MDGA2: variants seen among roughly 807,000 people sequenced by gnomAD.
MDGA2 encodes the protein MAM domain-containing glycosylphosphatidylinositol anchor protein 2.
A neutral mutation model predicts 117.8 loss-of-function variants in MDGA2; 40 were observed. The observed-to-expected ratio is 0.34, with a 90% CI of 0.26 to 0.44. MDGA2 has a LOEUF of 0.44. MDGA2 is among the 20% of genes least tolerant of loss of function. MDGA2 has a pLI of 1.00. For missense variants in MDGA2, 1,123 were observed against 1,250.6 expected (o/e 0.90, Z 1.54); for synonymous variants, 452 against 439.0 (o/e 1.03, Z -0.37).
chr14:46,905,279 G>A (rs1247977349), intron 10 of MDGA2, among the ~76,000 whole-genome samples: 10 of 152,102 alleles, frequency 6.6e-5, no homozygotes, highest in Non-Finnish European at 1.3e-4. Context: ...GTTAGAAAAG[G>A]CTATTTTTAA....
At chr14:46,874,571 T>C (rs1236030062) in intron 12 of MDGA2, among the ~76,000 whole-genome samples, 8 of 151,880 alleles carry the variant, frequency 5.3e-5, no homozygotes, top group Admixed American at 2.6e-4. Flanking sequence ...ATTGGAAAAT[T>C]ACCTTTATTA....
At chr14:47,254,413 G>A (rs1382011508) in intron 2 of MDGA2, among the ~76,000 whole-genome samples, 1 of 152,112 alleles carries the variant, frequency 6.6e-6, no homozygotes, top group Non-Finnish European at 1.5e-5. Flanking sequence ...GATCTCTAGG[G>A]CAGGAGCAAA....
chr14:47,203,867 C>T (rs1885593770), intron 3 of MDGA2, among the ~76,000 whole-genome samples: 1 of 151,902 alleles, frequency 6.6e-6, no homozygotes, highest in African/African-American at 2.4e-5. Flanking sequence ...GAGAAGGAAA[C>T]TTATCTAAAA....
intron 1 of MDGA2, among the ~76,000 whole-genome samples, chr14:47,318,223 A>AC (rs1424733243): frequency 2.0e-5 from 3 of 149,812 alleles, no homozygotes; most frequent in African/African-American, 7.3e-5. Context: ...GTTTTCTAAC[A>AC]CTTTAAAAGT....
chr14:46,990,615 C>A (rs968509282), intron 8 of MDGA2, among the ~76,000 whole-genome samples: 2 of 151,872 alleles, frequency 1.3e-5, no homozygotes, highest in Admixed American at 1.3e-4. Context: ...TGTCTAGTTA[C>A]ACATTAGAAA....
chr14:47,264,911 T>C (rs1465640001), intron 2 of MDGA2, among the ~76,000 whole-genome samples: 7 of 152,100 alleles, frequency 4.6e-5, no homozygotes, highest in Admixed American at 4.6e-4. Flanking sequence ...GTGTCAGTGT[T>C]TTCTCATTGT....
chr14:47,428,169 A>T (rs1286063368), intron 1 of MDGA2, among the ~76,000 whole-genome samples: 2 of 152,148 alleles, frequency 1.3e-5, no homozygotes, highest in African/African-American at 4.8e-5. Context: ...AAACAGGAAA[A>T]AATTAAAGAA....
chr14:47,160,141 A>C (rs1329352723), intron 3 of MDGA2, among the ~76,000 whole-genome samples: 1 of 152,132 alleles, frequency 6.6e-6, no homozygotes, highest in East Asian at 1.9e-4. Context: ...TTGAACCCAA[A>C]ATTTATCATG....
chr14:47,652,805 A>G (rs1235695676), intron 1 of MDGA2, among the ~76,000 whole-genome samples: 1 of 152,172 alleles, frequency 6.6e-6, no homozygotes, highest in Non-Finnish European at 1.5e-5. Flanking sequence ...ACTGATAATT[A>G]ATAGTGGAAA....
At position 47,370,468 on chromosome 14, in the gene MDGA2, GTTTTTTTTTTTTT is replaced by G. The variant is rs67255552; in HGVS notation, c.281-68931_281-68919del. 5.8e-4 allele frequency among the ~76,000 whole-genome samples: 12 copies of G among 20,684 alleles called. No homozygotes were observed. The East Asian group carries it at 0.01, about 17-fold the overall frequency. 13.6% of individuals were successfully genotyped at this position (20,684 alleles called of 152,430 possible). Reference sequence around the variant, plus strand: ...TTACTATTTTCTAGGTCTACTTACTGTTTTTTTTTTTTTTTTTTTTTTTTTTTTTTGTGTGTGT... The same window carrying G: ...TTACTATTTTCTAGGTCTACTTACTGTTTTTTTTTTTTTTTTTGTGTGTGT... On this transcript the variant is annotated intron_variant, in intron 1 of 16. Transcript: ENST00000399232.
chr14:47,605,956 C>A (rs1896735662), intron 1 of MDGA2, among the ~76,000 whole-genome samples: 1 of 152,126 alleles, frequency 6.6e-6, no homozygotes, highest in Non-Finnish European at 1.5e-5. Flanking sequence ...TCATCCAAGT[C>A]TCTTCCTTCA....
At chr14:47,540,563 T>TATATATACACACACAC (rs370481455) in intron 1 of MDGA2, among the ~76,000 whole-genome samples, 2 of 112,522 alleles carry the variant, frequency 1.8e-5, no homozygotes, top group African/African-American at 5.9e-5. Context: ...TGTATATATA[T>TATATATACACACACAC]ACACACACAC....
chr14:46,873,794 A>G, intron 13 of MDGA2: 1 of 578,604 alleles, frequency 1.7e-6, no homozygotes, highest in East Asian at 3.2e-5. Flanking sequence ...TAAAGATAAA[A>G]TGTATAAAAA....
At position 47,551,906 on chromosome 14, in the gene MDGA2, G is replaced by C. The variant is rs553243307; in HGVS notation, c.280+122611C>G. On this transcript the variant is annotated intron_variant, in intron 1 of 16. Transcript: ENST00000399232. ...AGAGGAAATTAATATATGTGAAAGA[G>C]GAAAGTGAAAAACAGTAGGAGAAAT... Among the ~76,000 whole-genome samples, 3 of 151,940 alleles carry C rather than the reference G, an allele frequency of 2.0e-5. No homozygotes were observed. The South Asian group carries it at 6.2e-4, about 32-fold the overall frequency.
At chr14:47,000,344 T>G (rs1172786016) in intron 8 of MDGA2, among the ~76,000 whole-genome samples, 1 of 136,782 alleles carries the variant, frequency 7.3e-6, no homozygotes, top group African/African-American at 2.7e-5. Context: ...TATATATATA[T>G]ATATACACAC....
chr14:47,067,724 C>G (rs1890136297), intron 6 of MDGA2, among the ~76,000 whole-genome samples: 1 of 152,092 alleles, frequency 6.6e-6, no homozygotes, highest in Admixed American at 6.5e-5. Flanking sequence ...TTGTACAACT[C>G]TAAGCACTGA....
In MDGA2 at chr14:47,439,699, G is replaced by A. The variant is rs146055536; in HGVS notation, c.281-138149C>T. On this transcript the variant is annotated intron_variant, in intron 1 of 16. Transcript: ENST00000399232. Reference sequence around the variant, plus strand: ...CTAAATTTTTTTTTCATATATGTGCGTATGTGTGTGTCTATGTCTGTATGT... The same window carrying A: ...CTAAATTTTTTTTTCATATATGTGCATATGTGTGTGTCTATGTCTGTATGT... Among the ~76,000 whole-genome samples the A allele has an allele frequency of 5.8e-3, 883 of 151,876 alleles. 11 individuals are homozygous for A. The highest frequency in any genetic ancestry group is 0.02 in the African/African-American group (843 of 41,424).
At chr14:47,103,929 AT>A (rs1880485804) in intron 5 of MDGA2, among the ~76,000 whole-genome samples, 1 of 152,192 alleles carries the variant, frequency 6.6e-6, no homozygotes, top group Non-Finnish European at 1.5e-5. Context: ...GCTGTGATAT[AT>A]CAGCGAACAA....
intron 7 of MDGA2, among the ~76,000 whole-genome samples, chr14:47,052,547 A>C (rs761884734): frequency 1.3e-5 from 2 of 151,912 alleles, no homozygotes; most frequent in African/African-American, 2.4e-5. Context: ...ATAGAAAAAC[A>C]TGTTTAATGT....
Sources: gnomAD v4.1 joint callset for allele counts (sites outside exome capture counted in the v4.1 genomes callset) on GRCh38, gnomAD v4.1.1 for gene constraint, MANE v1.5 for transcripts, NCBI Gene and HGNC (gene_info 2026-07-23, HGNC 2026-07-21) for gene names.